Variants in NDUFAB1 observed in about 807,000 individuals in gnomAD.
The protein encoded by NDUFAB1 is NADH:ubiquinone oxidoreductase subunit AB1.
In NDUFAB1, 5 loss-of-function variants were observed where a neutral mutation model predicts 16.1. That is an observed-to-expected ratio of 0.31 (90% CI 0.16 to 0.65). The LOEUF (loss-of-function observed/expected upper bound fraction) is 0.65. Ranked by LOEUF, NDUFAB1 falls within the 30% of genes least tolerant of loss-of-function variation. The probability of loss-of-function intolerance (pLI) is 0.77; values close to 1 mark genes in which losing one functional copy is unlikely to be tolerated. For synonymous variants in NDUFAB1, 85 were observed against 78.4 expected, an observed-to-expected ratio of 1.08 and a Z score of -0.44; for missense variants, 187 against 205.3, an observed-to-expected ratio of 0.91 and a Z score of 0.54.
At chr16:23,584,455 A>C (rs1250833467) in intron 3 of NDUFAB1, among the ~76,000 whole-genome samples, 1 of 150,976 alleles carries the variant, frequency 6.6e-6, no homozygotes, top group Non-Finnish European at 1.5e-5. Context: ...GCTGTAACAC[A>C]CGTCACCCAT....
chr16:23,593,033 T>G (rs1198545356), intron 1 of NDUFAB1, among the ~76,000 whole-genome samples: 1 of 152,222 alleles, frequency 6.6e-6, no homozygotes, highest in Non-Finnish European at 1.5e-5. Flanking sequence ...TGATGGCTCA[T>G]GCCTGTAATC....
chr16:23,585,138 C>G (rs897952490), intron 3 of NDUFAB1, among the ~76,000 whole-genome samples, 198 bp downstream of exon 3: 1 of 152,210 alleles, frequency 6.6e-6, no homozygotes, highest in Non-Finnish European at 1.5e-5. Context: ...GTGCAAGGTG[C>G]TCTCTGAATA....
chr16:23,583,918 A>C (rs1458680800), intron 3 of NDUFAB1, among the ~76,000 whole-genome samples: 1 of 151,842 alleles, frequency 6.6e-6, no homozygotes, highest in Non-Finnish European at 1.5e-5. Context: ...TACTAAGAAA[A>C]ATTCTTCTGC....
rs572325713 is a variant in NDUFAB1 at position 23,583,586 on chromosome 16, C to G, written c.380-1211G>C. On this transcript the variant is annotated intron_variant, in intron 3 of 4. Coordinates refer to ENST00000007516, the MANE Select transcript of NDUFAB1 (RefSeq NM_005003.3). The stretch of plus-strand genomic sequence containing the variant: ...GAGGAGCGTCTCTGCCCGGCTGCCC[C>G]CTCTGAGAAGTGAGGAGCCCCTCCG... Among the ~76,000 whole-genome samples the G allele has an allele frequency of 2.5e-3, 328 of 132,832 alleles. 2 individuals carry two copies. The highest frequency in any genetic ancestry group is 8.1e-3 in the African/African-American group (283 of 34,728). The allele number at this position is 132,832 out of a possible 152,430, so 87.1% of individuals were successfully genotyped here. A position where few individuals can be genotyped will look rare whatever the true frequency, so the allele number is the denominator to read the frequency against.
Position 23,585,363 on chromosome 16 carries a change from T to C in NDUFAB1, c.352A>G (p.Ile118Val). 6 of 1,613,802 alleles carry C rather than the reference T, an allele frequency of 3.7e-6. No homozygotes were observed. Among genetic ancestry groups the C allele is most frequent in the Non-Finnish European group, 4.2e-6 (5 of 1,179,730 alleles). Reference sequence around the variant, plus strand: ...AATTCGTCTTCCATGGCCATGATAATCTCCACTTGGTCCAAACTGTCTAAG... The same window carrying C: ...AATTCGTCTTCCATGGCCATGATAACCTCCACTTGGTCCAAACTGTCTAAG... Reference protein sequence around the residue: ...LGLDSLDQVEIIMAMEDEFGF... With the variant: ...LGLDSLDQVEVIMAMEDEFGF... The change falls in exon 3 of 5, where the codon ATT (isoleucine) becomes GTT (valine). Residue 118 changes from isoleucine (I) to valine (V), a missense_variant. Physicochemically the swap from Ile to Val is conservative, Grantham distance 29. Around this residue, in one of 3 missense-constraint regions of NDUFAB1, gnomAD observed 20 missense variants for 47.1 expected, o/e 0.42. Coordinates refer to ENST00000007516, the MANE Select transcript of NDUFAB1 (RefSeq NM_005003.3).
At chr16:23,596,010 G>GC (rs1966322439) in intron 1 of NDUFAB1, 113 bp downstream of exon 1, 3 of 1,293,864 alleles carry the variant, frequency 2.3e-6, no homozygotes, top group African/African-American at 3.1e-5. Context: ...CGAGCCGGCT[G>GC]CCCCCCGGGT....
At position 23,582,103 on chromosome 16, in the gene NDUFAB1, T is replaced by C. The variant is rs933320595; in HGVS notation, c.*8+173A>G. 17 of 652,720 alleles carry C rather than the reference T, an allele frequency of 2.6e-5. No homozygotes were observed. The Admixed American group carries it at 3.8e-4, about 14-fold the overall frequency. The allele number at this position is 652,720 out of a possible 1,614,324, so 40.4% of individuals were successfully genotyped here. A position where few individuals can be genotyped will look rare whatever the true frequency, so the allele number is the denominator to read the frequency against. ...ATGACAGTTCTCAACCTCTCAAAGATCACCACCAGGGCTGGGCCCCTTTGA... is the reference window on the plus strand; with the variant it reads ...ATGACAGTTCTCAACCTCTCAAAGACCACCACCAGGGCTGGGCCCCTTTGA... On this transcript the variant is annotated intron_variant, in intron 4 of 4. Transcript: ENST00000007516.
chr16:23,587,103 G>C, intron 2 of NDUFAB1, 94 bp downstream of exon 2: 1 of 1,296,928 alleles, frequency 7.7e-7, no homozygotes, highest in Non-Finnish European at 1.1e-6. Context: ...GGGAGCCAGG[G>C]AGATTTTTAC....
intron 2 of NDUFAB1, among the ~76,000 whole-genome samples, chr16:23,585,966 C>T (rs919539219): frequency 6.6e-6 from 1 of 152,222 alleles, no homozygotes; most frequent in African/African-American, 2.4e-5. Flanking sequence ...CTTGCTCTGT[C>T]ACCCAGGCTG....
chr16:23,585,490 G>A (rs75817718), intron 2 of NDUFAB1, 67 bp from the exon 3 acceptor site: 19,152 of 1,074,988 alleles, frequency 0.018, 221 homozygotes, highest in Non-Finnish European at 0.023. Context: ...AGATAACAGG[G>A]TGGTACAATG....
At chr16:23,585,811 G>A (rs956765550) in intron 2 of NDUFAB1, among the ~76,000 whole-genome samples, 6 of 152,068 alleles carry the variant, frequency 3.9e-5, no homozygotes, top group African/African-American at 1.4e-4. Context: ...AACATACAGA[G>A]GCTATAACTG....
chr16:23,595,988 G>A (rs1220953197), intron 1 of NDUFAB1, 135 bp downstream of exon 1: 1 of 1,081,210 alleles, frequency 9.2e-7, no homozygotes, highest in African/African-American at 1.7e-5. Context: ...TTTAGGCAGC[G>A]GGGCTGCGGA....
intron 1 of NDUFAB1, chr16:23,595,649 G>A (rs114486749): frequency 1.4e-4 from 66 of 458,156 alleles, no homozygotes; most frequent in African/African-American, 1.2e-3. Flanking sequence ...CTGCAGGGAA[G>A]AGTAAGGACA....
intron 4 of NDUFAB1, chr16:23,581,757 C>T (rs1227568822): frequency 6.6e-6 from 1 of 152,250 alleles, no homozygotes. Context: ...TAGGTCCTAT[C>T]ATTACCACCA....
chr16:23,595,835 A>G (rs891115176), intron 1 of NDUFAB1, among the ~76,000 whole-genome samples: 10 of 152,184 alleles, frequency 6.6e-5, no homozygotes, highest in Middle Eastern at 3.2e-3. Flanking sequence ...CAGGATCCCA[A>G]TTTTGCAGGT....
At chr16:23,590,638 C>CTTTTTTTTTTTTTTT (rs398042088) in intron 1 of NDUFAB1, among the ~76,000 whole-genome samples, 1 of 131,834 alleles carries the variant, frequency 7.6e-6, no homozygotes. Context: ...CCTCTGGTCT[C>CTTTTTTTTTTTTTTT]TTTTTTTTTT....
At chr16:23,586,199 T>C (rs185954704) in intron 2 of NDUFAB1, among the ~76,000 whole-genome samples, 141 of 152,238 alleles carry the variant, frequency 9.3e-4, no homozygotes, top group Non-Finnish European at 1.8e-3. Flanking sequence ...GTGCTGGGAT[T>C]ACAGGCGTGA....
chr16:23,584,479 T>A (rs930801790), intron 3 of NDUFAB1, among the ~76,000 whole-genome samples: 3 of 151,750 alleles, frequency 2.0e-5, no homozygotes, highest in Admixed American at 1.3e-4. Flanking sequence ...TTTTTTTTTT[T>A]ATGATGGTTG....
chr16:23,595,982 G>C, intron 1 of NDUFAB1, 141 bp downstream of exon 1: 1 of 1,039,648 alleles, frequency 9.6e-7, no homozygotes, highest in Non-Finnish European at 1.3e-6. Flanking sequence ...AACACCTTTA[G>C]GCAGCGGGGC....
Sources: gnomAD v4.1 joint callset for allele counts (sites outside exome capture counted in the v4.1 genomes callset) on GRCh38, gnomAD v4.1.1 for gene constraint, gnomAD v4.1.1 regional missense constraint, MANE v1.5 for transcripts, NCBI Gene and HGNC (gene_info 2026-07-23, HGNC 2026-07-21) for gene names.